Variants in HNRNPA0 observed in about 807,000 individuals in gnomAD.
HNRNPA0 encodes the protein hnRNA binding protein.
For synonymous variants in HNRNPA0, 243 were observed against 195.5 expected, an observed-to-expected ratio of 1.24 and a Z score of -2.03; for missense variants, 252 against 433.7, an observed-to-expected ratio of 0.58 and a Z score of 3.72.
chr5:137,745,914 A>C lies in HNRNPA0; in HGVS notation c.*7235T>G, dbSNP rs1317064004. The C allele has an allele frequency of 6.6e-6, 1 of 152,262 alleles. No homozygotes were observed. Among genetic ancestry groups the C allele is most frequent in the African/African-American group, 2.4e-5 (1 of 41,466 alleles). The allele number at this position is 152,262 out of a possible 1,614,324, so 9.4% of individuals were successfully genotyped here. ...TGTACCAAAATTCCATACTCCCAGA[A>C]GGAAAGCAGGTGTTTAGCATAAATC... is the stretch of plus-strand genomic sequence containing the variant. On this transcript the variant is annotated 3_prime_UTR_variant, in exon 1 of 1. Transcript: ENST00000314940.
chr5:137,745,884 T>G lies in HNRNPA0; in HGVS notation c.*7265A>C, dbSNP rs753020527. The G allele has an allele frequency of 2.0e-5, 3 of 152,216 alleles. No homozygotes were observed. The highest frequency in any genetic ancestry group is 4.4e-5 in the Non-Finnish European group (3 of 68,038). 9.4% of individuals were successfully genotyped at this position (152,216 alleles called of 1,614,324 possible). A position where few individuals can be genotyped will look rare whatever the true frequency, so the allele number is the denominator to read the frequency against. ...TTTGGTCATATAGACATCCTTTACC[T>G]GGCATGTACCAAAATTCCATACTCC... On this transcript the variant is annotated 3_prime_UTR_variant, in exon 1 of 1. Transcript: ENST00000314940.
Position 137,753,236 on chromosome 5 carries a change from TCCACCG to T in HNRNPA0, c.825_830del (p.Gly277_Gly278del). ...TACTGCGACCGCCCCAGCTACTGCC[TCCACCG>T]CCGCCGCCGCCGCCGCTCTTCATGG... On this transcript the variant is annotated inframe_deletion, in exon 1 of 1. Transcript: ENST00000314940. The surrounding 1 kb of genome is among the most constrained non-coding windows in gnomAD (Gnocchi z 6.1). The T allele has an allele frequency of 6.2e-7, 1 of 1,611,024 alleles. No homozygotes were observed. Among genetic ancestry groups the T allele is most frequent in the Non-Finnish European group, 8.5e-7 (1 of 1,179,188 alleles).
Position 137,747,567 on chromosome 5 carries a change from T to A in HNRNPA0, c.*5582A>T, listed in dbSNP as rs924627188. 2.0e-5 allele frequency: 3 copies of A among 152,208 alleles called. No homozygotes were observed. Among genetic ancestry groups the A allele is most frequent in the Admixed American group, 2.0e-4 (3 of 15,288 alleles). The allele number at this position is 152,208 out of a possible 1,614,324, so 9.4% of individuals were successfully genotyped here. A position where few individuals can be genotyped will look rare whatever the true frequency, so the allele number is the denominator to read the frequency against. ...TATCCAAATATTTGTCAATTATGCT[T>A]TCACAACTTACCTCAACTTCTTTGT... On this transcript the variant is annotated 3_prime_UTR_variant, in exon 1 of 1. Transcript: ENST00000314940.
Position 137,753,223 on chromosome 5 carries a change from C to G in HNRNPA0, c.844G>C (p.Gly282Arg), listed in dbSNP as rs772055886. Residue 282 changes from glycine (G) to arginine (R), a missense_variant, in exon 1 of 1, where the codon GGC becomes CGC. Gly to Arg is a moderately radical substitution (Grantham distance 125). Coordinates refer to ENST00000314940, the MANE Select transcript of HNRNPA0 (RefSeq NM_006805.4). This position sits in a 1 kb window ranked among gnomAD's most constrained non-coding sequence, Gnocchi z 6.1. ...GGGGGGGSSWGGRSNSGPYRG... is the reference protein window; with the variant it reads ...GGGGGGGSSWRGRSNSGPYRG... The stretch of plus-strand genomic sequence containing the variant: ...TAAGGTCCACTATTACTGCGACCGC[C>G]CCAGCTACTGCCTCCACCGCCGCCG... 1 of 1,613,542 alleles carries G rather than the reference C, an allele frequency of 6.2e-7. No homozygotes were observed. Among genetic ancestry groups the G allele is most frequent in the Non-Finnish European group, 8.5e-7 (1 of 1,179,966 alleles).
In HNRNPA0 at chr5:137,753,476, G is replaced by A; in HGVS notation, c.591C>T (p.Gly197=). ...GSRSSRGGRG[G]RGRGGGRDQN... is the part of the protein sequence containing the mutation. ...GGTCTCGACCACCGCCGCGCCCCCG[G>A]CCGCCTCGGCCGCCCCGGGAGGATC... is the stretch of plus-strand genomic sequence containing the variant. The change falls in exon 1 of 1, where the codon GGC becomes GGT. Residue 197 remains glycine, a synonymous_variant. Coordinates refer to ENST00000314940, the MANE Select transcript of HNRNPA0 (RefSeq NM_006805.4). The surrounding 1 kb of genome is among the most constrained non-coding windows in gnomAD (Gnocchi z 6.1). The A allele has an allele frequency of 6.4e-7, 1 of 1,573,360 alleles. No homozygotes were observed. The highest frequency in any genetic ancestry group is 8.6e-7 in the Non-Finnish European group (1 of 1,159,168).
Position 137,753,914 on chromosome 5 carries a change from G to A in HNRNPA0, c.153C>T (p.Gly51=), listed in dbSNP as rs375845124. 5.0e-6 allele frequency: 8 copies of A among 1,614,050 alleles called. No homozygotes were observed. The highest frequency in any genetic ancestry group is 1.1e-5 in the South Asian group (1 of 91,088). Residue 51 remains glycine, a synonymous_variant, in exon 1 of 1, where the codon GGC becomes GGT. Coordinates refer to ENST00000314940, the MANE Select transcript of HNRNPA0 (RefSeq NM_006805.4). This position sits in a 1 kb window ranked among gnomAD's most constrained non-coding sequence, Gnocchi z 6.1. ...NPQTKRSRCF[G]FVTYSNVEEA... ...CCTCCACATTGGAGTAGGTCACGAA[G>A]CCAAAGCAACGGGAGCGCTTGGTCT...
At position 137,754,269 on chromosome 5, in the gene HNRNPA0, T is replaced by A. The variant is rs2149949441; in HGVS notation, c.-203A>T. 1.4e-6 allele frequency: 1 copy of A among 697,654 alleles called. No homozygotes were observed. Among genetic ancestry groups the A allele is most frequent in the Non-Finnish European group, 2.3e-6 (1 of 428,380 alleles). The allele number at this position is 697,654 out of a possible 1,614,324, so 43.2% of individuals were successfully genotyped here. A position where few individuals can be genotyped will look rare whatever the true frequency, so the allele number is the denominator to read the frequency against. On this transcript the variant is annotated 5_prime_UTR_variant, in exon 1 of 1. Transcript: ENST00000314940. ...GGGAGGGAAGGGGAGCGGTGCCGGC[T>A]AAAGGGCGAGCCGAGGAGACTGGAA...
In HNRNPA0 at chr5:137,753,053, G is replaced by A; in HGVS notation, c.*96C>T. 2 of 1,328,688 alleles carry A rather than the reference G, an allele frequency of 1.5e-6. No homozygotes were observed. Among genetic ancestry groups the A allele is most frequent in the Admixed American group, 2.3e-5 (1 of 42,556 alleles). 82.3% of individuals were successfully genotyped at this position (1,328,688 alleles called of 1,614,324 possible). ...CCCCCAAGGGCAAAACAGGGAAGGCGGTGTGTGTGAGGGGGTGGGGCTTAG... is the reference window on the plus strand; with the variant it reads ...CCCCCAAGGGCAAAACAGGGAAGGCAGTGTGTGTGAGGGGGTGGGGCTTAG... On this transcript the variant is annotated 3_prime_UTR_variant, in exon 1 of 1. Coordinates refer to ENST00000314940, the MANE Select transcript of HNRNPA0 (RefSeq NM_006805.4). This position sits in a 1 kb window ranked among gnomAD's most constrained non-coding sequence, Gnocchi z 6.1.
rs1456548003 is a variant in HNRNPA0, at chr5:137,746,385, T to A, written c.*6764A>T. ...TTACAACAACCTACAAATCCCTACA[T>A]GATCTGGCCCCTCTGGCCTCATTAT... On this transcript the variant is annotated 3_prime_UTR_variant, in exon 1 of 1. Coordinates refer to ENST00000314940, the MANE Select transcript of HNRNPA0 (RefSeq NM_006805.4). The A allele has an allele frequency of 6.6e-6, 1 of 152,186 alleles. No individual in the cohort carries two copies. The highest frequency in any genetic ancestry group is 2.4e-5 in the African/African-American group (1 of 41,434). 9.4% of individuals were successfully genotyped at this position (152,186 alleles called of 1,614,324 possible).
Position 137,753,599 on chromosome 5 carries a change from C to T in HNRNPA0, c.468G>A (p.Ala156=). 1.2e-6 allele frequency: 2 copies of T among 1,614,180 alleles called. No individual in the cohort carries two copies. Among genetic ancestry groups the T allele is most frequent in the Non-Finnish European group, 8.5e-7 (1 of 1,180,036 alleles). Residue 156 remains alanine (A), a synonymous_variant, in exon 1 of 1, where the codon GCG becomes GCA. Transcript: ENST00000314940. This position sits in a 1 kb window ranked among gnomAD's most constrained non-coding sequence, Gnocchi z 6.1. Reference sequence around the variant, plus strand: ...CCTGAATCGGATGGAACTTGACCACCGCGGCCTTGTCTGCCGCGTCGTGAT... The same window carrying T: ...CCTGAATCGGATGGAACTTGACCACTGCGGCCTTGTCTGCCGCGTCGTGAT... ...FQNHDAADKA[A]VVKFHPIQGH...
At position 137,746,714 on chromosome 5, in the gene HNRNPA0, A is replaced by G. The variant is rs74517275; in HGVS notation, c.*6435T>C. ...CATCTTCTAACATACCATATAATTGATTATGTCTTATTGCCTGTCTCTCCC... is the reference window on the plus strand; with the variant it reads ...CATCTTCTAACATACCATATAATTGGTTATGTCTTATTGCCTGTCTCTCCC... On this transcript the variant is annotated 3_prime_UTR_variant, in exon 1 of 1. Coordinates refer to ENST00000314940, the MANE Select transcript of HNRNPA0 (RefSeq NM_006805.4). 1 of 152,252 alleles carries G rather than the reference A, an allele frequency of 6.6e-6. No homozygotes were observed. The highest frequency in any genetic ancestry group is 2.4e-5 in the African/African-American group (1 of 41,526). 9.4% of individuals were successfully genotyped at this position (152,252 alleles called of 1,614,324 possible).
chr5:137,751,889 T>C lies in HNRNPA0; in HGVS notation c.*1260A>G, dbSNP rs889794130. 6 of 152,698 alleles carry C rather than the reference T, an allele frequency of 3.9e-5. No individual in the cohort carries two copies. The highest frequency in any genetic ancestry group is 8.8e-5 in the Non-Finnish European group (6 of 68,046). 9.5% of individuals were successfully genotyped at this position (152,698 alleles called of 1,614,324 possible). Reference sequence around the variant, plus strand: ...TCATATAGAAAGGGCTATTGTGATATGAACTGGCAACTACATTCCTGTGAA... The same window carrying C: ...TCATATAGAAAGGGCTATTGTGATACGAACTGGCAACTACATTCCTGTGAA... On this transcript the variant is annotated 3_prime_UTR_variant, in exon 1 of 1. Transcript: ENST00000314940.
rs746814330 is a variant in HNRNPA0 at position 137,753,466 on chromosome 5, C to G, written c.601G>C (p.Gly201Arg). The change falls in exon 1 of 1, where the codon GGC becomes CGC. Residue 201 changes from glycine (G) to arginine (R), a missense_variant. Coordinates refer to ENST00000314940, the MANE Select transcript of HNRNPA0 (RefSeq NM_006805.4). The surrounding 1 kb of genome is among the most constrained non-coding windows in gnomAD (Gnocchi z 6.1). Reference sequence around the variant, plus strand: ...AGGCCGTTCTGGTCTCGACCACCGCCGCGCCCCCGGCCGCCTCGGCCGCCC... The same window carrying G: ...AGGCCGTTCTGGTCTCGACCACCGCGGCGCCCCCGGCCGCCTCGGCCGCCC... ...SRGGRGGRGR[G>R]GGRDQNGLSK... The G allele has an allele frequency of 3.8e-6, 6 of 1,565,852 alleles. No homozygotes were observed. The highest frequency in any genetic ancestry group is 1.9e-5 in the Admixed American group (1 of 52,462).
In HNRNPA0 at chr5:137,749,764, C is replaced by A. The variant is rs751379517; in HGVS notation, c.*3385G>T. ...CAAATGCCTATCTGCAATCAGCAGA[C>A]GCGGGCAGACAAAATTTAACCTAAA... On this transcript the variant is annotated 3_prime_UTR_variant, in exon 1 of 1. Coordinates refer to ENST00000314940, the MANE Select transcript of HNRNPA0 (RefSeq NM_006805.4). 1 of 152,106 alleles carries A rather than the reference C, an allele frequency of 6.6e-6. No homozygotes were observed. 9.4% of individuals were successfully genotyped at this position (152,106 alleles called of 1,614,324 possible).
chr5:137,753,992 G>T lies in HNRNPA0; in HGVS notation c.75C>A (p.Gly25=). 6.2e-7 allele frequency: 1 copy of T among 1,613,982 alleles called. No homozygotes were observed. The highest frequency in any genetic ancestry group is 8.5e-7 in the Non-Finnish European group (1 of 1,179,946). Residue 25 remains glycine, a synonymous_variant, in exon 1 of 1, where the codon GGC becomes GGA. Transcript: ENST00000314940. This position sits in a 1 kb window ranked among gnomAD's most constrained non-coding sequence, Gnocchi z 6.1. ...TCAGAGTCCCAAAGGCCTCAAAGTGGCCGCGCAGGCCCGACTCACTCGTCT... is the reference window on the plus strand; with the variant it reads ...TCAGAGTCCCAAAGGCCTCAAAGTGTCCGCGCAGGCCCGACTCACTCGTCT... ...NVQTSESGLR[G]HFEAFGTLTD...
Position 137,753,133 on chromosome 5 carries a change from C to T in HNRNPA0, c.*16G>A, listed in dbSNP as rs368349900. On this transcript the variant is annotated 3_prime_UTR_variant, in exon 1 of 1. Coordinates refer to ENST00000314940, the MANE Select transcript of HNRNPA0 (RefSeq NM_006805.4). This position sits in a 1 kb window ranked among gnomAD's most constrained non-coding sequence, Gnocchi z 6.1. ...AGCTACCCCTATAGCCACTCCCAGG[C>T]ATTTTAAATTTTCTTTTAGAAGGAG... 1.9e-6 allele frequency: 3 copies of T among 1,606,864 alleles called. No homozygotes were observed. The highest frequency in any genetic ancestry group is 2.6e-6 in the Non-Finnish European group (3 of 1,176,334).
rs1215283122 is a variant in HNRNPA0, at chr5:137,747,408, C to T, written c.*5741G>A. The T allele has an allele frequency of 6.6e-6, 1 of 152,192 alleles. No individual in the cohort carries two copies. The highest frequency in any genetic ancestry group is 1.5e-5 in the Non-Finnish European group (1 of 68,030). 9.4% of individuals were successfully genotyped at this position (152,192 alleles called of 1,614,324 possible). On this transcript the variant is annotated 3_prime_UTR_variant, in exon 1 of 1. Transcript: ENST00000314940. ...AAAGCTATATGCGCAAGACACAATG[C>T]TTCAATGTGCTACCAGCATCTTCAA...
In HNRNPA0 at chr5:137,753,587, G is replaced by A. The variant is rs1441823917; in HGVS notation, c.480C>T (p.Phe160=). The A allele has an allele frequency of 1.9e-6, 3 of 1,613,974 alleles. No homozygotes were observed. The highest frequency in any genetic ancestry group is 1.7e-5 in the Admixed American group (1 of 60,006). Residue 160 remains phenylalanine (F), a synonymous_variant, in exon 1 of 1, where the codon TTC becomes TTT. Coordinates refer to ENST00000314940, the MANE Select transcript of HNRNPA0 (RefSeq NM_006805.4). The surrounding 1 kb of genome is among the most constrained non-coding windows in gnomAD (Gnocchi z 6.1). ...DAADKAAVVK[F]HPIQGHRVEV... ...CCACGCGATGGCCCTGAATCGGATGGAACTTGACCACCGCGGCCTTGTCTG... is the reference window on the plus strand; with the variant it reads ...CCACGCGATGGCCCTGAATCGGATGAAACTTGACCACCGCGGCCTTGTCTG...
At position 137,752,742 on chromosome 5, in the gene HNRNPA0, C is replaced by T. The variant is rs1753524193; in HGVS notation, c.*407G>A. ...AAACGCTGTAGCCAGGTTATCAAGT[C>T]CTTACAACAAAGTAAACTACCCCCC... On this transcript the variant is annotated 3_prime_UTR_variant, in exon 1 of 1. Coordinates refer to ENST00000314940, the MANE Select transcript of HNRNPA0 (RefSeq NM_006805.4). 5.5e-6 allele frequency: 1 copy of T among 181,266 alleles called. No homozygotes were observed. The highest frequency in any genetic ancestry group is 6.0e-5 in the Admixed American group (1 of 16,760). The allele number at this position is 181,266 out of a possible 1,614,324, so 11.2% of individuals were successfully genotyped here.
Sources: allele counts gnomAD v4.1 joint callset, GRCh38; gene constraint gnomAD v4.1.1; non-coding constraint Gnocchi (gnomAD v3.1); transcripts MANE v1.5; gene names NCBI Gene and HGNC (gene_info 2026-07-23, HGNC 2026-07-21).